GTF2H3: variants seen among roughly 807,000 people sequenced by gnomAD.
GTF2H3 encodes the protein general transcription factor IIH subunit 3, also known as TFIIH basal transcription factor complex p34 subunit.
In GTF2H3, 42 loss-of-function variants were observed where a neutral mutation model predicts 51.1. The ratio of observed to expected loss-of-function variants is 0.82; its 90% CI spans 0.64 to 1.06. The LOEUF (loss-of-function observed/expected upper bound fraction) is 1.06, where lower values mean the gene tolerates loss of function less well. Among genes scored for constraint, GTF2H3 ranks in the 50% least tolerant of loss-of-function variants. GTF2H3 has a pLI of 0.00. For missense variants in GTF2H3, 326 were observed against 366.1 expected, an observed-to-expected ratio of 0.89 and a Z score of 0.89; for synonymous variants, 123 against 123.8, an observed-to-expected ratio of 0.99 and a Z score of 0.04.
chr12:123,641,683 G>GTGGT (rs1955376834), intron 2 of GTF2H3, among the ~76,000 whole-genome samples: 1 of 152,102 alleles, frequency 6.6e-6, no homozygotes, highest in Non-Finnish European at 1.5e-5. Flanking sequence ...AATTATTAGT[G>GTGGT]TGGTTGCGTT....
intron 7 of GTF2H3, among the ~76,000 whole-genome samples, chr12:123,653,224 G>A (rs1955541201): frequency 6.6e-6 from 1 of 152,142 alleles, no homozygotes; most frequent in Non-Finnish European, 1.5e-5. Flanking sequence ...CTAAAATTCT[G>A]AGAGCGATAG....
intron 6 of GTF2H3, 38 bp downstream of exon 6, chr12:123,652,599 A>T: frequency 6.7e-7 from 1 of 1,492,148 alleles, no homozygotes. Context: ...CTGTAATCCT[A>T]CTTATTTTAC....
At chr12:123,636,468 T>C (rs1240661867) in intron 1 of GTF2H3, among the ~76,000 whole-genome samples, 1 of 152,222 alleles carries the variant, frequency 6.6e-6, no homozygotes. Flanking sequence ...GCATTACTGC[T>C]CTTTGCTATT....
intron 9 of GTF2H3, among the ~76,000 whole-genome samples, chr12:123,656,906 C>T (rs144527353): frequency 2.4e-3 from 368 of 152,086 alleles, no homozygotes; most frequent in Non-Finnish European, 4.3e-3. Context: ...GGCAACATGG[C>T]GAGACACCAT....
chr12:123,636,716 G>A (rs7298048), intron 1 of GTF2H3, among the ~76,000 whole-genome samples: 2 of 152,216 alleles, frequency 1.3e-5, no homozygotes, highest in African/African-American at 2.4e-5. Context: ...TCGGGAGTTC[G>A]AGACCAGCCT....
intron 9 of GTF2H3, 128 bp from the exon 10 acceptor site, chr12:123,659,385 AAAT>A (rs937960521): frequency 2.8e-6 from 2 of 708,484 alleles, no homozygotes; most frequent in Non-Finnish European, 5.1e-6. Context: ...AATAAAAATA[AAAT>A]AATAATAATC....
chr12:123,638,101 G>A (rs545268611), intron 1 of GTF2H3, among the ~76,000 whole-genome samples: 3 of 152,034 alleles, frequency 2.0e-5, no homozygotes, highest in African/African-American at 4.8e-5. Flanking sequence ...GGTCTCAAGC[G>A]ATCCTCTCTC....
chr12:123,653,010 AGAGGTT>A, intron 7 of GTF2H3, among the ~76,000 whole-genome samples: 1 of 152,168 alleles, frequency 6.6e-6, no homozygotes, highest in Non-Finnish European at 1.5e-5. Flanking sequence ...CCTGGGAGGC[AGAGGTT>A]GCAGTGAGCT....
intron 2 of GTF2H3, chr12:123,639,951 C>T (rs1360898328): frequency 8.8e-6 from 4 of 455,846 alleles, no homozygotes; most frequent in South Asian, 6.2e-5. Context: ...TTTGTGTGTC[C>T]ATCAGCACCA....
At chr12:123,636,841 C>T (rs1244972208) in intron 1 of GTF2H3, among the ~76,000 whole-genome samples, 4 of 152,156 alleles carry the variant, frequency 2.6e-5, no homozygotes, top group South Asian at 2.1e-4. Flanking sequence ...CGCTTGATCC[C>T]GGGAGGCGGA....
At chr12:123,656,958 C>A (rs1425865861) in intron 9 of GTF2H3, among the ~76,000 whole-genome samples, 1 of 151,984 alleles carries the variant, frequency 6.6e-6, no homozygotes, top group African/African-American at 2.4e-5. Flanking sequence ...CATGGTGGTG[C>A]ACGCCTGTAG....
chr12:123,659,481 T>C, intron 9 of GTF2H3, 35 bp from the exon 10 acceptor site: 1 of 1,602,748 alleles, frequency 6.2e-7, no homozygotes, highest in Non-Finnish European at 8.5e-7. Flanking sequence ...CCTAGGTAAG[T>C]GCGAGTTTGG....
intron 3 of GTF2H3, among the ~76,000 whole-genome samples, chr12:123,646,110 A>G (rs908733091): frequency 2.9e-4 from 44 of 152,210 alleles, no homozygotes; most frequent in African/African-American, 5.8e-4. Context: ...GACTCACTGC[A>G]AGATGGTGCA....
In GTF2H3 at chr12:123,660,845, G is replaced by A. The variant is rs1955647992; in HGVS notation, c.*610G>A. 1 of 152,180 alleles carries A rather than the reference G, an allele frequency of 6.6e-6. No homozygotes were observed. Among genetic ancestry groups the A allele is most frequent in the Non-Finnish European group, 1.5e-5 (1 of 68,044 alleles). 9.4% of individuals were successfully genotyped at this position (152,180 alleles called of 1,614,324 possible). A position where few individuals can be genotyped will look rare whatever the true frequency, so the allele number is the denominator to read the frequency against. ...CAAAATCTCATTTTAAATGAGTAAG[G>A]AGAACGTGTACAGAAGCAAATTTTC... On this transcript the variant is annotated 3_prime_UTR_variant, in exon 13 of 13. Transcript: ENST00000543341.
At chr12:123,644,294 T>G (rs931708177) in intron 2 of GTF2H3, among the ~76,000 whole-genome samples, 1 of 152,170 alleles carries the variant, frequency 6.6e-6, no homozygotes, top group African/African-American at 2.4e-5. Flanking sequence ...TACTGACTTA[T>G]GTTTCTTAAT....
chr12:123,658,004 G>GA (rs1262529795), intron 9 of GTF2H3, among the ~76,000 whole-genome samples: 9 of 152,196 alleles, frequency 5.9e-5, no homozygotes, highest in Non-Finnish European at 1.2e-4. Flanking sequence ...GGAAAACTCT[G>GA]AAGATAGCAA....
intron 3 of GTF2H3, 109 bp from the exon 4 acceptor site, chr12:123,647,854 C>T: frequency 4.9e-6 from 3 of 609,528 alleles, no homozygotes; most frequent in South Asian, 3.8e-5. Flanking sequence ...CTTGTGAGTC[C>T]CACATTGTTG....
chr12:123,651,239 C>T (rs1955516314), intron 5 of GTF2H3, 183 bp downstream of exon 5: 1 of 456,264 alleles, frequency 2.2e-6, no homozygotes, highest in Non-Finnish European at 4.0e-6. Flanking sequence ...TTGAGACAGT[C>T]TCACTCTGTC....
In GTF2H3 at chr12:123,660,087, G is replaced by A. The variant is rs916164308; in HGVS notation, c.857+5G>A. The A allele has an allele frequency of 1.2e-6, 2 of 1,608,232 alleles. No individual in the cohort carries two copies. The highest frequency in any genetic ancestry group is 3.4e-4 in the Middle Eastern group (2 of 5,938). ...CCCCATTTGTACTACGTGCGAGTAAGTATCTTTGAGATTGTGTGGGTGGCT... is the reference window on the plus strand; with the variant it reads ...CCCCATTTGTACTACGTGCGAGTAAATATCTTTGAGATTGTGTGGGTGGCT... On this transcript the variant is annotated splice_donor_5th_base_variant and intron_variant, in intron 12 of 12. Transcript: ENST00000543341.
Sources: allele counts gnomAD v4.1 joint callset (sites outside exome capture counted in the v4.1 genomes callset), GRCh38; gene constraint gnomAD v4.1.1; transcripts MANE v1.5; gene names NCBI Gene and HGNC (gene_info 2026-07-23, HGNC 2026-07-21).